The following CYRIB variants were observed in gnomAD, a reference collection of about 807,000 sequenced individuals.
The protein encoded by CYRIB is CYFIP-related Rac1 interactor B.
CYRIB carries 8 observed loss-of-function variants against 44.2 expected under a neutral mutation model. The ratio of observed to expected loss-of-function variants is 0.18; its 90% CI spans 0.11 to 0.33. CYRIB has a LOEUF of 0.33. Among genes scored for constraint, CYRIB ranks in the 10% least tolerant of loss-of-function variants. CYRIB has a pLI of 1.00. For missense variants in CYRIB, 185 were observed against 382.8 expected (o/e 0.48, Z 4.31); for synonymous variants, 131 against 127.2 (o/e 1.03, Z -0.20).
intron 1 of CYRIB, among the ~76,000 whole-genome samples, chr8:129,922,248 CA>C (rs1216202763): frequency 1.3e-5 from 2 of 152,182 alleles, no homozygotes; most frequent in African/African-American, 4.8e-5. Context: ...ATTACCTAGT[CA>C]GTTTCTGCTA....
intron 11 of CYRIB, chr8:129,844,353 T>C (rs1270873329): frequency 6.6e-6 from 1 of 152,220 alleles, no homozygotes; most frequent in East Asian, 1.9e-4. Context: ...CACACTCACT[T>C]ATCAAGAAAA....
chr8:129,851,166 T>C, intron 8 of CYRIB: 1 of 456,304 alleles, frequency 2.2e-6, no homozygotes, highest in Non-Finnish European at 3.9e-6. Flanking sequence ...ACTGCAACAA[T>C]GCAGACAGGG....
chr8:130,013,201 G>A (rs1285850424), intron 1 of CYRIB, among the ~76,000 whole-genome samples: 1 of 152,158 alleles, frequency 6.6e-6, no homozygotes, highest in Non-Finnish European at 1.5e-5. Flanking sequence ...TGGGAACAGG[G>A]GCCTATGCTA....
chr8:129,889,578 T>C (rs1302008711), intron 2 of CYRIB, among the ~76,000 whole-genome samples: 1 of 151,820 alleles, frequency 6.6e-6, no homozygotes, highest in East Asian at 1.9e-4. Flanking sequence ...TCAATAGGAG[T>C]TTGAAAGAAG....
At chr8:129,903,691 TC>T (rs2073632536) in intron 1 of CYRIB, among the ~76,000 whole-genome samples, 1 of 152,236 alleles carries the variant, frequency 6.6e-6, no homozygotes, top group South Asian at 2.1e-4. Flanking sequence ...AGTTAGTTAT[TC>T]CTCTTTAGTC....
Position 129,863,433 on chromosome 8 carries a change from G to A in CYRIB, c.196-1099C>T, listed in dbSNP as rs560588299. 2.0e-5 allele frequency among the ~76,000 whole-genome samples: 3 copies of A among 152,052 alleles called. No individual in the cohort carries two copies. The East Asian group carries it at 5.8e-4, about 29-fold the overall frequency. On this transcript the variant is annotated intron_variant, in intron 4 of 11. Transcript: ENST00000519824. ...CCAGTTACTCAGGAGGCTGAGACAG[G>A]AGAATTGCTTGAACCCGGGAAGTGG...
At chr8:129,963,205 T>C (rs975491339) in intron 2 of CYRIB, among the ~76,000 whole-genome samples, 1 of 152,246 alleles carries the variant, frequency 6.6e-6, no homozygotes, top group Admixed American at 6.5e-5. Flanking sequence ...TGTGTAAGCC[T>C]TGGCAACACT....
At chr8:129,870,198 G>A (rs1416661433) in intron 4 of CYRIB, among the ~76,000 whole-genome samples, 3 of 151,986 alleles carry the variant, frequency 2.0e-5, no homozygotes, top group African/African-American at 7.3e-5. Context: ...GCGGGGCGGG[G>A]GATCACTTGA....
upstream of CYRIB, among the ~76,000 whole-genome samples, chr8:129,941,002 C>G (rs2093651536): frequency 6.6e-6 from 1 of 152,144 alleles, no homozygotes; most frequent in Non-Finnish European, 1.5e-5. Flanking sequence ...GAAATCACTC[C>G]TTGCCACAAA....
chr8:129,882,360 A>G (rs2061099460), intron 2 of CYRIB, among the ~76,000 whole-genome samples: 1 of 152,206 alleles, frequency 6.6e-6, no homozygotes, highest in Non-Finnish European at 1.5e-5. Flanking sequence ...ATGAGGGTTA[A>G]ATTAGATTAA....
chr8:129,950,641 G>C (rs979055505), intron 2 of CYRIB, among the ~76,000 whole-genome samples: 1 of 151,842 alleles, frequency 6.6e-6, no homozygotes. Flanking sequence ...AGAGTACTTA[G>C]CACAGGGCAC....
upstream of CYRIB, among the ~76,000 whole-genome samples, chr8:129,943,186 G>A (rs2093863619): frequency 6.7e-6 from 1 of 149,868 alleles, no homozygotes; most frequent in South Asian, 2.2e-4. Flanking sequence ...AGAGTTTAGT[G>A]AAAGGACAGG....
At chr8:129,984,576 G>A (rs2096378813) in intron 1 of CYRIB, among the ~76,000 whole-genome samples, 1 of 152,128 alleles carries the variant, frequency 6.6e-6, no homozygotes. Context: ...ACCCCAGGAT[G>A]CGGCCACTGC....
In CYRIB at chr8:129,888,306, C is replaced by G. The variant is rs537693309; in HGVS notation, c.-10-8835G>C. Among the ~76,000 whole-genome samples the G allele has an allele frequency of 5.3e-5, 8 of 152,324 alleles. No homozygotes were observed. In the South Asian group the frequency reaches 1.2e-3, roughly 24 times the overall value. ...GCCATTCAAGGTTTCCTGAGACCTT[C>G]CCAGCCATGCTTCCTGTACAGCTTG... On this transcript the variant is annotated intron_variant, in intron 2 of 11. Coordinates refer to ENST00000519824, the Ensembl canonical transcript of CYRIB.
At chr8:129,996,123 C>T (rs2096758870) in intron 1 of CYRIB, among the ~76,000 whole-genome samples, 1 of 152,202 alleles carries the variant, frequency 6.6e-6, no homozygotes, top group Non-Finnish European at 1.5e-5. Context: ...GCATCCACTC[C>T]TTCATTCATT....
chr8:130,016,126 C>G (rs1230215587), intron 1 of CYRIB, among the ~76,000 whole-genome samples: 2 of 148,392 alleles, frequency 1.3e-5, no homozygotes, highest in Non-Finnish European at 1.5e-5. Flanking sequence ...CCGCCGCCCC[C>G]CGCGCACTCG....
chr8:129,914,770 A>G (rs772683613), intron 1 of CYRIB, among the ~76,000 whole-genome samples: 2 of 152,246 alleles, frequency 1.3e-5, no homozygotes, highest in Non-Finnish European at 2.9e-5. Flanking sequence ...AATTTCTAAG[A>G]TTGCTTTGCA....
chr8:129,847,905 G>A (rs183140144), intron 10 of CYRIB, among the ~76,000 whole-genome samples: 123 of 152,206 alleles, frequency 8.1e-4, no homozygotes, highest in African/African-American at 2.7e-3. Context: ...GGATTTAAGC[G>A]ATTCTCCCAC....
intron 11 of CYRIB, among the ~76,000 whole-genome samples, chr8:129,843,709 C>T (rs1383164477): frequency 2.0e-5 from 3 of 152,200 alleles, no homozygotes; most frequent in Non-Finnish European, 4.4e-5. Context: ...GCTAGGACTA[C>T]ATCCTTTTCA....
Sources: gnomAD v4.1 joint callset for allele counts (sites outside exome capture counted in the v4.1 genomes callset) on GRCh38, gnomAD v4.1.1 for gene constraint, MANE v1.5 for transcripts, NCBI Gene and HGNC (gene_info 2026-07-23, HGNC 2026-07-21) for gene names.